The following KDM4C variants were observed in gnomAD, a reference collection of about 807,000 sequenced individuals.
The protein encoded by KDM4C is lysine-specific demethylase 4C.
In KDM4C, 81 loss-of-function variants were observed where a neutral mutation model predicts 129.3. That is an observed-to-expected ratio of 0.63 (90% CI 0.52 to 0.75). The LOEUF is 0.75. Ranked by LOEUF, KDM4C falls within the 30% of genes least tolerant of loss-of-function variation. The pLI, the probability that KDM4C is intolerant of heterozygous loss-of-function variation, is 0.00. For missense variants in KDM4C, 1,457 were observed against 1,304.0 expected (o/e 1.12, Z -1.81); for synonymous variants, 573 against 456.1 (o/e 1.26, Z -3.26).
chr9:7,026,330 A>G (rs1386694862), intron 15 of KDM4C, among the ~76,000 whole-genome samples: 1 of 152,040 alleles, frequency 6.6e-6, no homozygotes, highest in East Asian at 1.9e-4. Context: ...TTACGTTCAG[A>G]GGATATTTTC....
chr9:6,817,931 G>A (rs1970110), intron 4 of KDM4C, among the ~76,000 whole-genome samples: 1 of 151,608 alleles, frequency 6.6e-6, no homozygotes, highest in East Asian at 1.9e-4. Context: ...CATGCCCAGC[G>A]AATTTTTGTA....
chr9:6,789,046 GTTT>G (rs572673032), intron 1 of KDM4C, among the ~76,000 whole-genome samples: 3 of 135,172 alleles, frequency 2.2e-5, no homozygotes. Flanking sequence ...CCAGATTTTT[GTTT>G]TTTTTTTTTT....
At chr9:6,855,458 CAAAAAAAA>C (rs34177301) in intron 5 of KDM4C, among the ~76,000 whole-genome samples, 11,049 of 69,796 alleles carry the variant, frequency 0.16, 466 homozygotes, top group East Asian at 0.25. Context: ...GACTCCGTCT[CAAAAAAAA>C]AAAAAAAAAA....
In KDM4C at chr9:6,882,918, G is replaced by A. The variant is rs190423822; in HGVS notation, c.679+2857G>A. 1.2e-4 allele frequency among the ~76,000 whole-genome samples: 18 copies of A among 152,220 alleles called. No individual in the cohort carries two copies. The East Asian group carries it at 3.5e-3, about 29-fold the overall frequency. ...CGATTTGCAGAGATCCCTGTGCCAG[G>A]GGGTAGATAAAGGTCAATGGGTGGG... On this transcript the variant is annotated intron_variant, in intron 6 of 21. Transcript: ENST00000381309.
chr9:6,891,623 A>G (rs1485523649), intron 7 of KDM4C, among the ~76,000 whole-genome samples: 1 of 152,198 alleles, frequency 6.6e-6, no homozygotes, highest in East Asian at 1.9e-4. Context: ...AAAAACCAAC[A>G]AATTGTACAC....
intron 4 of KDM4C, chr9:6,835,262 C>A: frequency 2.2e-6 from 2 of 908,122 alleles, no homozygotes; most frequent in South Asian, 2.6e-5. Context: ...GGCATGGAAT[C>A]CTGTGGCATC....
chr9:6,765,059 T>C (rs2130511855), intron 1 of KDM4C, among the ~76,000 whole-genome samples: 1 of 152,206 alleles, frequency 6.6e-6, no homozygotes, highest in East Asian at 1.9e-4. Context: ...CCACCTCCAA[T>C]GCATTATCCT....
chr9:7,091,826 G>A (rs1835838922), intron 17 of KDM4C, among the ~76,000 whole-genome samples: 1 of 152,226 alleles, frequency 6.6e-6, no homozygotes, highest in Non-Finnish European at 1.5e-5. Flanking sequence ...TGCTGAGGCA[G>A]GCCTGACCAG....
chr9:6,761,444 C>T (rs1212072149), intron 1 of KDM4C, among the ~76,000 whole-genome samples: 3 of 151,560 alleles, frequency 2.0e-5, no homozygotes, highest in Non-Finnish European at 4.4e-5. Context: ...TCTGGCAGTC[C>T]ACCAGCCCCA....
chr9:6,887,960 GT>G lies in KDM4C; in HGVS notation c.686del (p.Phe229SerfsTer16). The G allele has an allele frequency of 6.3e-7, 1 of 1,594,726 alleles. No individual in the cohort carries two copies. Among genetic ancestry groups the G allele is most frequent in the Non-Finnish European group, 8.6e-7 (1 of 1,162,788 alleles). ...HGKRLERLAQ[G>X]FFPSSSQGCD... ...ACTTACATTTATTGTTTCTTTTTAG[GT>G]TTTTTCCCAAGCAGCTCCCAAGGGT... On this transcript the variant is annotated frameshift_variant and splice_region_variant, in exon 7 of 22. Coordinates refer to ENST00000381309, the MANE Select transcript of KDM4C (RefSeq NM_015061.6). LOFTEE classifies it high-confidence loss of function.
intron 8 of KDM4C, among the ~76,000 whole-genome samples, chr9:6,926,349 A>AAAAAAAAAAAAAG (rs1822548280): frequency 6.6e-6 from 1 of 150,894 alleles, no homozygotes; most frequent in African/African-American, 2.4e-5. Context: ...TGTAAAAAAA[A>AAAAAAAAAAAAAG]AAAAAAGGAC....
In KDM4C at chr9:6,984,390, A is replaced by G. The variant is rs148637235; in HGVS notation, c.1340A>G (p.His447Arg). ...CAGGTGGAGCAGAATTTATCAGATC[A>G]TATCAAACTCTCAGGTGAGAAGATG... ...RMQVEQNLSD[H>R]IKLSGNSCLS... The change falls in exon 10 of 22, where the codon CAT becomes CGT. Residue 447 changes from histidine to arginine, a missense_variant. Physicochemically the swap from His to Arg is conservative, Grantham distance 29. Transcript: ENST00000381309. The G allele has an allele frequency of 1.2e-5, 20 of 1,609,626 alleles. No homozygotes were observed. The highest frequency in any genetic ancestry group is 3.3e-4 in the Middle Eastern group (2 of 6,050).
chr9:6,886,469 T>C (rs1466977263), intron 6 of KDM4C, among the ~76,000 whole-genome samples: 4 of 151,054 alleles, frequency 2.6e-5, no homozygotes, highest in African/African-American at 7.3e-5. Flanking sequence ...CGCACCACCA[T>C]GCCCGCCTAA....
chr9:6,939,954 TAACC>T (rs146822321), intron 8 of KDM4C, among the ~76,000 whole-genome samples: 6,917 of 101,412 alleles, frequency 0.068, 371 homozygotes, highest in African/African-American at 0.11. Flanking sequence ...TTAAATCCAA[TAACC>T]AACCTACCTA....
chr9:6,984,267 T>A lies in KDM4C; in HGVS notation c.1217T>A (p.Val406Asp). ...GCAGAGGTCCCTAACCCCGACTCAG[T>A]CACAGATGACCTCAAGGTCAGTGAA... Reference protein sequence around the residue: ...DGAEVPNPDSVTDDLKVSEKS... With the variant: ...DGAEVPNPDSDTDDLKVSEKS... The change falls in exon 10 of 22, where the codon GTC becomes GAC. Residue 406 changes from valine (V) to aspartate (D), a missense_variant. Val to Asp is a radical substitution (Grantham distance 152, BLOSUM62 -3). Coordinates refer to ENST00000381309, the MANE Select transcript of KDM4C (RefSeq NM_015061.6). 6.2e-7 allele frequency: 1 copy of A among 1,613,992 alleles called. No individual in the cohort carries two copies. Among genetic ancestry groups the A allele is most frequent in the Middle Eastern group, 1.6e-4 (1 of 6,062 alleles).
At chr9:6,751,647 C>G (rs914651847) in intron 1 of KDM4C, among the ~76,000 whole-genome samples, 6 of 152,124 alleles carry the variant, frequency 3.9e-5, no homozygotes, top group African/African-American at 1.4e-4. Flanking sequence ...AGAGAAGCCA[C>G]TTACAACTTT....
chr9:7,069,839 C>G (rs987753293), intron 17 of KDM4C, among the ~76,000 whole-genome samples: 3 of 152,136 alleles, frequency 2.0e-5, no homozygotes, highest in South Asian at 2.1e-4. Context: ...GTGACAATTA[C>G]AATGTGAGAC....
At chr9:7,128,723 G>A (rs947331863) in intron 19 of KDM4C, among the ~76,000 whole-genome samples, 1 of 152,166 alleles carries the variant, frequency 6.6e-6, no homozygotes, top group Non-Finnish European at 1.5e-5. Context: ...ACAGAAGAAA[G>A]GCTGTGGCAT....
chr9:6,954,980 G>C (rs138632379), intron 8 of KDM4C, among the ~76,000 whole-genome samples: 173 of 152,332 alleles, frequency 1.1e-3, no homozygotes, highest in African/African-American at 4.0e-3. Context: ...GGGACTTTCT[G>C]TTGGAAGAGT....
Sources: allele counts gnomAD v4.1 joint callset (sites outside exome capture counted in the v4.1 genomes callset), GRCh38; gene constraint gnomAD v4.1.1; transcripts MANE v1.5; gene names NCBI Gene and HGNC (gene_info 2026-07-23, HGNC 2026-07-21).